The following DZIP3 variants were observed in gnomAD, a reference collection of about 807,000 sequenced individuals.
The protein encoded by DZIP3 is DAZ interacting zinc finger protein 3.
Under a neutral mutation model 162.0 loss-of-function variants are expected in DZIP3, and 118 were observed. The ratio of observed to expected loss-of-function variants is 0.73; its 90% CI spans 0.63 to 0.85. The LOEUF (loss-of-function observed/expected upper bound fraction) is 0.85. DZIP3 is among the 40% of genes least tolerant of loss of function. The probability of loss-of-function intolerance (pLI) is 0.00; values close to 1 mark genes in which losing one functional copy is unlikely to be tolerated. For synonymous variants in DZIP3, 438 were observed against 458.6 expected (o/e 0.96, Z 0.57); for missense variants, 1,331 against 1,407.0 (o/e 0.95, Z 0.86).
intron 1 of DZIP3, among the ~76,000 whole-genome samples, chr3:108,601,881 GTTA>G (rs1327327756): frequency 2.6e-5 from 4 of 152,114 alleles, no homozygotes; most frequent in African/African-American, 4.8e-5. Flanking sequence ...CCCCTCCCTA[GTTA>G]TTATTTTTTT....
Position 108,688,829 on chromosome 3 carries a change from G to A in DZIP3, c.3421G>A (p.Glu1141Lys). The A allele has an allele frequency of 6.2e-7, 1 of 1,614,132 alleles. No homozygotes were observed. The highest frequency in any genetic ancestry group is 8.5e-7 in the Non-Finnish European group (1 of 1,180,028). The change falls in exon 31 of 33, where the codon GAA becomes AAA. Residue 1141 changes from glutamate to lysine, a missense_variant. Physicochemically the swap from Glu to Lys is moderately conservative, Grantham distance 56 (BLOSUM62 1). Transcript: ENST00000361582. ...TTTTCTGTATTTTCCCTAGGATGAG[G>A]AAGAGGAAGAAGAAGAGCCTTGTGT... ...TWEGASNPDEEEEEEEPCVIC... is the reference protein window; with the variant it reads ...TWEGASNPDEKEEEEEPCVIC...
intron 22 of DZIP3, among the ~76,000 whole-genome samples, chr3:108,670,358 CTT>C (rs1017380672): frequency 2.0e-5 from 3 of 151,828 alleles, no homozygotes; most frequent in African/African-American, 7.2e-5. Context: ...GGATTTGCCT[CTT>C]TTGGACATTT....
intron 5 of DZIP3, among the ~76,000 whole-genome samples, chr3:108,618,657 C>T (rs979932306): frequency 6.6e-6 from 1 of 152,196 alleles, no homozygotes; most frequent in Non-Finnish European, 1.5e-5. Flanking sequence ...TCTATCTCCA[C>T]TGAGATCAGT....
intron 3 of DZIP3, among the ~76,000 whole-genome samples, chr3:108,610,111 C>T (rs1940617075): frequency 6.6e-6 from 1 of 152,006 alleles, no homozygotes; most frequent in Admixed American, 6.6e-5. Context: ...CAATGAACAT[C>T]CTTCATAGAG....
chr3:108,633,571 A>G (rs961565975), intron 9 of DZIP3, among the ~76,000 whole-genome samples: 3 of 151,060 alleles, frequency 2.0e-5, no homozygotes, highest in African/African-American at 7.3e-5. Context: ...CTTCTGATAG[A>G]TCTCTCTCTC....
At chr3:108,640,634 C>T (rs1386000875) in intron 12 of DZIP3, among the ~76,000 whole-genome samples, 5 of 151,864 alleles carry the variant, frequency 3.3e-5, no homozygotes, top group Admixed American at 6.6e-5. Flanking sequence ...TTAGTAGAGA[C>T]GGGGTTTCAC....
At chr3:108,677,242 A>G (rs1029237085) in intron 25 of DZIP3, among the ~76,000 whole-genome samples, 4 of 152,048 alleles carry the variant, frequency 2.6e-5, no homozygotes, top group African/African-American at 9.7e-5. Flanking sequence ...AGGAATTATC[A>G]CAAGAATCTG....
rs367734386 is a variant in DZIP3, at chr3:108,620,507, A to T, written c.375+3850A>T. ...TTAGCTTTTTAATGCCCAGGCTTGT[A>T]TAGTTCTGTGCCATTTTATCAAATG... On this transcript the variant is annotated intron_variant, in intron 5 of 32. Transcript: ENST00000361582. 3.9e-5 allele frequency among the ~76,000 whole-genome samples: 6 copies of T among 152,322 alleles called. 1 individual carries two copies. The East Asian group carries it at 1.2e-3, about 29-fold the overall frequency.
chr3:108,630,081 T>C (rs1038673086), intron 8 of DZIP3, among the ~76,000 whole-genome samples: 2 of 152,108 alleles, frequency 1.3e-5, no homozygotes, highest in Non-Finnish European at 2.9e-5. Flanking sequence ...CTGTATTTTC[T>C]CTCAGAAAAT....
chr3:108,655,128 C>T (rs1020170025), intron 19 of DZIP3, among the ~76,000 whole-genome samples: 3 of 152,132 alleles, frequency 2.0e-5, no homozygotes, highest in Non-Finnish European at 4.4e-5. Flanking sequence ...ATTCTATAGC[C>T]ATGAGACTAT....
At chr3:108,660,294 T>C (rs537043655) in intron 19 of DZIP3, among the ~76,000 whole-genome samples, 64 of 152,212 alleles carry the variant, frequency 4.2e-4, no homozygotes, top group African/African-American at 1.5e-3. Context: ...AACAGAGATA[T>C]AGACCAATGG....
At chr3:108,634,064 T>TA (rs138323561) in intron 9 of DZIP3, among the ~76,000 whole-genome samples, 1 of 151,080 alleles carries the variant, frequency 6.6e-6, no homozygotes, top group East Asian at 2.0e-4. Context: ...GACAATACTC[T>TA]AAAAAAAATA....
intron 10 of DZIP3, 69 bp downstream of exon 10, chr3:108,635,041 C>G: frequency 2.1e-6 from 2 of 949,308 alleles, no homozygotes; most frequent in East Asian, 5.5e-5. Context: ...GTTCTCTTCC[C>G]CATCGTTTCT....
chr3:108,629,285 C>G (rs1379109931), intron 8 of DZIP3, 109 bp downstream of exon 8: 6 of 709,158 alleles, frequency 8.5e-6, no homozygotes, highest in Non-Finnish European at 1.4e-5. Context: ...ACTTTTTATA[C>G]AAGAAACAAC....
chr3:108,623,767 A>C (rs1037609984), intron 5 of DZIP3, among the ~76,000 whole-genome samples: 6 of 152,228 alleles, frequency 3.9e-5, no homozygotes, highest in African/African-American at 1.4e-4. Flanking sequence ...ACCCCAGAGC[A>C]CTTTGGCCCA....
At chr3:108,639,686 G>T (rs560188996) in intron 12 of DZIP3, among the ~76,000 whole-genome samples, 30 of 145,048 alleles carry the variant, frequency 2.1e-4, no homozygotes, top group Admixed American at 9.5e-4. Context: ...TTTTTTTTTT[G>T]ATCATTCTGG....
chr3:108,662,972 G>A (rs1943507988), intron 21 of DZIP3, among the ~76,000 whole-genome samples: 1 of 152,144 alleles, frequency 6.6e-6, no homozygotes, highest in African/African-American at 2.4e-5. Context: ...ATGCTGATAG[G>A]GAGAATAGAA....
At chr3:108,635,531 GTTATAA>G (rs1301631717) in intron 10 of DZIP3, among the ~76,000 whole-genome samples, 1 of 146,858 alleles carries the variant, frequency 6.8e-6, no homozygotes, top group African/African-American at 2.5e-5. Context: ...ATATATAATA[GTTATAA>G]TTATATAAGT....
In DZIP3 at chr3:108,661,958, CACT is replaced by C. The variant is rs765519358; in HGVS notation, c.2283_2285del (p.Tyr762del). Reference sequence around the variant, plus strand: ...TCGTCAAAGGCAGCTTTATAAATTGCACTATCAGTGTGAAGTAAGTATTTTTGC... The same window carrying C: ...TCGTCAAAGGCAGCTTTATAAATTGCATCAGTGTGAAGTAAGTATTTTTGC... On this transcript the variant is annotated inframe_deletion, in exon 20 of 33. Coordinates refer to ENST00000361582, the MANE Select transcript of DZIP3 (RefSeq NM_014648.4). 2.5e-6 allele frequency: 4 copies of C among 1,613,610 alleles called. No individual in the cohort carries two copies. The highest frequency in any genetic ancestry group is 2.5e-6 in the Non-Finnish European group (3 of 1,179,754).
Sources: gnomAD v4.1 joint callset for allele counts (sites outside exome capture counted in the v4.1 genomes callset) on GRCh38, gnomAD v4.1.1 for gene constraint, MANE v1.5 for transcripts, NCBI Gene and HGNC (gene_info 2026-07-23, HGNC 2026-07-21) for gene names.